Variants in ZNF16 observed in about 807,000 individuals in gnomAD.
ZNF16 encodes zinc finger protein KOX9.
ZNF16 carries 7 observed loss-of-function variants against 9.0 expected under a neutral mutation model. The observed-to-expected ratio is 0.78, with a 90% CI of 0.44 to 1.47. ZNF16 has a LOEUF of 1.47. ZNF16 is among the 40% of genes most tolerant of loss of function. ZNF16 has a pLI of 0.01. For missense variants in ZNF16, 830 were observed against 854.2 expected (o/e 0.97, Z 0.35); for synonymous variants, 312 against 301.5 (o/e 1.03, Z -0.36).
At chr8:144,938,877 A>G (rs1470409339) in intron 2 of ZNF16, among the ~76,000 whole-genome samples, 1 of 151,590 alleles carries the variant, frequency 6.6e-6, no homozygotes, top group Non-Finnish European at 1.5e-5. Context: ...GTTTTCACAA[A>G]TGCCCTTTAT....
At chr8:144,938,187 T>C (rs1376805186) in intron 2 of ZNF16, among the ~76,000 whole-genome samples, 1 of 152,250 alleles carries the variant, frequency 6.6e-6, no homozygotes, top group Non-Finnish European at 1.5e-5. Context: ...GTAGCAAGTT[T>C]TGAAAGTGGA....
chr8:144,934,753 A>G (rs1833640665), intron 2 of ZNF16, among the ~76,000 whole-genome samples: 1 of 152,208 alleles, frequency 6.6e-6, no homozygotes, highest in African/African-American at 2.4e-5. Context: ...GCAACAACAC[A>G]GACAGGAGTC....
rs1190726554 is a variant in ZNF16, at chr8:144,932,579, T to C, written c.208A>G (p.Arg70Gly). 1 of 1,612,524 alleles carries C rather than the reference T, an allele frequency of 6.2e-7. No individual in the cohort carries two copies. Among genetic ancestry groups the C allele is most frequent in the South Asian group, 1.1e-5 (1 of 90,936 alleles). ...TGAAGAAACTCCTTGTCTTCAGTCC[T>C]GGTGTCACAATCTGAAACAATAAAT... is the stretch of plus-strand genomic sequence containing the variant. ...PHYQQPDCDTRTEDKEFLHKE... is the reference protein window; with the variant it reads ...PHYQQPDCDTGTEDKEFLHKE... The change falls in exon 3 of 3, where the codon AGG becomes GGG. Residue 70 changes from arginine to glycine, a missense_variant. By Grantham distance (125) the Arg-to-Gly change is moderately radical. Coordinates refer to ENST00000394909, the MANE Select transcript of ZNF16 (RefSeq NM_006958.3). This position sits in a 1 kb window ranked among gnomAD's most constrained non-coding sequence, Gnocchi z 5.0.
Position 144,950,875 on chromosome 8 carries a change from T to C in ZNF16, c.-88A>G, listed in dbSNP as rs1834101818. 6.6e-6 allele frequency: 1 copy of C among 152,080 alleles called. No homozygotes were observed. Among genetic ancestry groups the C allele is most frequent in the Non-Finnish European group, 1.5e-5 (1 of 68,092 alleles). 9.4% of individuals were successfully genotyped at this position (152,080 alleles called of 1,614,324 possible). On this transcript the variant is annotated 5_prime_UTR_variant, in exon 1 of 3. Coordinates refer to ENST00000394909, the MANE Select transcript of ZNF16 (RefSeq NM_006958.3). ...GCCAACGCCGGCTGACCCCCGGAAG[T>C]CCCGCCCCGAATTCCGGCCCGCCGC...
In ZNF16 at chr8:144,942,263, C is replaced by A. The variant is rs575678830; in HGVS notation, c.196+3748G>T. Among the ~76,000 whole-genome samples, 25 of 151,502 alleles carry A rather than the reference C, an allele frequency of 1.7e-4. No individual in the cohort carries two copies. In the East Asian group the frequency reaches 3.9e-3, roughly 24 times the overall value. ...AAAGTGCTGGGATTACAGGCATGAG[C>A]CACCATGCCTGGCCCATTTTTAAGA... On this transcript the variant is annotated intron_variant, in intron 2 of 2. Coordinates refer to ENST00000394909, the MANE Select transcript of ZNF16 (RefSeq NM_006958.3).
chr8:144,949,830 C>G (rs1352133702), intron 1 of ZNF16, among the ~76,000 whole-genome samples: 1 of 152,148 alleles, frequency 6.6e-6, no homozygotes, highest in Non-Finnish European at 1.5e-5. Flanking sequence ...GAAATATGGC[C>G]TCATGGGATG....
rs1374346923 is a variant in ZNF16, at chr8:144,930,742, T to C, written c.2045A>G (p.Glu682Gly). 1 of 1,525,674 alleles carries C rather than the reference T, an allele frequency of 6.6e-7. No individual in the cohort carries two copies. Among genetic ancestry groups the C allele is most frequent in the East Asian group, 2.3e-5 (1 of 44,202 alleles). 94.5% of individuals were successfully genotyped at this position (1,525,674 alleles called of 1,614,324 possible). Residue 682 changes from glutamate (E) to glycine (G), a missense_variant, in exon 3 of 3, where the codon GAA (glutamate) becomes GGA (glycine). Physicochemically the swap from Glu to Gly is moderately conservative, Grantham distance 98. Coordinates refer to ENST00000394909, the MANE Select transcript of ZNF16 (RefSeq NM_006958.3). ...LIKHQLIHTR[E>G] ...CACTCCTGCCAGCCCAACAGCCTAT[T>C]CCCTGGTGTGAATCAACTGGTGTTT...
At chr8:144,944,892 T>C (rs1313927139) in intron 2 of ZNF16, 1 of 152,212 alleles carries the variant, frequency 6.6e-6, no homozygotes, top group African/African-American at 2.4e-5. Context: ...AGAGATTTTA[T>C]CAAGAGAAAA....
chr8:144,950,837 C>T lies in ZNF16; in HGVS notation c.-50G>A, dbSNP rs1452465837. ...TTGGAAAGGAGGCAGCACCGTGGCA[C>T]GAAGACGTCTCAGCCAACGCCGGCT... On this transcript the variant is annotated 5_prime_UTR_variant, in exon 1 of 3. It adds an upstream start codon to the 5' untranslated region. Transcript: ENST00000394909. 3 of 152,304 alleles carry T rather than the reference C, an allele frequency of 2.0e-5. No homozygotes were observed. Among genetic ancestry groups the T allele is most frequent in the Admixed American group, 6.5e-5 (1 of 15,284 alleles). 9.4% of individuals were successfully genotyped at this position (152,304 alleles called of 1,614,324 possible).
chr8:144,946,941 T>C (rs1833963909), intron 1 of ZNF16, among the ~76,000 whole-genome samples: 1 of 108,434 alleles, frequency 9.2e-6, no homozygotes, highest in Non-Finnish European at 1.7e-5. Flanking sequence ...TCTGTGGGCC[T>C]GTACCCTGCT....
At chr8:144,949,895 G>C (rs1002682689) in intron 1 of ZNF16, among the ~76,000 whole-genome samples, 1 of 152,154 alleles carries the variant, frequency 6.6e-6, no homozygotes, top group Non-Finnish European at 1.5e-5. Flanking sequence ...GTGTTGAGGT[G>C]GATTGGTAAA....
At chr8:144,950,652 C>G (rs1454566944) in intron 1 of ZNF16, 145 bp downstream of exon 1, 1 of 151,678 alleles carries the variant, frequency 6.6e-6, no homozygotes, top group Non-Finnish European at 1.5e-5. Flanking sequence ...TCCCACAACC[C>G]CCCGCGCGGC....
chr8:144,942,976 G>T (rs540608897), intron 2 of ZNF16, among the ~76,000 whole-genome samples: 1 of 152,280 alleles, frequency 6.6e-6, no homozygotes, highest in South Asian at 2.1e-4. Context: ...CCTGTCTAGT[G>T]TTCTTTCATT....
At chr8:144,944,651 A>C (rs1008639669) in intron 2 of ZNF16, 11 of 152,200 alleles carry the variant, frequency 7.2e-5, no homozygotes, top group Non-Finnish European at 7.3e-5. Context: ...TGAATGGGAC[A>C]TATTTTTTTG....
At position 144,931,855 on chromosome 8, in the gene ZNF16, T is replaced by C. The variant is rs745355158; in HGVS notation, c.932A>G (p.His311Arg). 3.1e-6 allele frequency: 5 copies of C among 1,614,120 alleles called. No homozygotes were observed. The highest frequency in any genetic ancestry group is 4.2e-6 in the Non-Finnish European group (5 of 1,180,044). The change falls in exon 3 of 3, where the codon CAC (histidine) becomes CGC (arginine). Residue 311 changes from histidine to arginine, a missense_variant. Physicochemically the swap from His to Arg is conservative, Grantham distance 29. Coordinates refer to ENST00000394909, the MANE Select transcript of ZNF16 (RefSeq NM_006958.3). The stretch of plus-strand genomic sequence containing the variant: ...CTTCTCACTCATGTGAGACTTTTGG[T>C]GCTTTTTAAGGCTCGAGTTCTGGCT... ...AFSQNSSLKK[H>R]QKSHMSEKPY...
At chr8:144,937,428 C>T (rs1330013136) in intron 2 of ZNF16, among the ~76,000 whole-genome samples, 2 of 152,192 alleles carry the variant, frequency 1.3e-5, no homozygotes, top group Non-Finnish European at 2.9e-5. Context: ...GCCACCACAC[C>T]TGGCTTCTTT....
Position 144,932,387 on chromosome 8 carries a change from C to A in ZNF16, c.400G>T (p.Gly134Trp). 1.2e-6 allele frequency: 2 copies of A among 1,614,140 alleles called. No homozygotes were observed. Among genetic ancestry groups the A allele is most frequent in the African/African-American group, 2.7e-5 (2 of 75,056 alleles). ...RRLPQSLSQE[G>W]DFTPAAMGLL... The stretch of plus-strand genomic sequence containing the variant: ...CCCATGGCAGCTGGTGTGAAGTCCC[C>A]CTCCTGGGAGAGGGACTGTGGCAGC... Residue 134 changes from glycine to tryptophan, a missense_variant, in exon 3 of 3, where the codon GGG becomes TGG. Physicochemically the swap from Gly to Trp is radical, Grantham distance 184 (BLOSUM62 -2). Transcript: ENST00000394909. The surrounding 1 kb of genome is among the most constrained non-coding windows in gnomAD (Gnocchi z 5.0).
rs200933303 is a variant in ZNF16, at chr8:144,930,992, T to C, written c.1795A>G (p.Lys599Glu). The C allele has an allele frequency of 2.1e-5, 34 of 1,614,220 alleles. No homozygotes were observed. Among genetic ancestry groups the C allele is most frequent in the Non-Finnish European group, 1.7e-6 (2 of 1,180,032 alleles). The change falls in exon 3 of 3, where the codon AAA becomes GAA. Residue 599 changes from lysine (K) to glutamate (E), a missense_variant. Physicochemically the swap from Lys to Glu is moderately conservative, Grantham distance 56. Coordinates refer to ENST00000394909, the MANE Select transcript of ZNF16 (RefSeq NM_006958.3). Reference protein sequence around the residue: ...IHHQKVHTGEKPYTCVECGKG... With the variant: ...IHHQKVHTGEEPYTCVECGKG... ...CCACATTCAACACAGGTGTAGGGTT[T>C]TTCCCCAGTATGAACTTTCTGGTGG...
chr8:144,931,988 A>G lies in ZNF16; in HGVS notation c.799T>C (p.Cys267Arg), dbSNP rs751932039. Residue 267 changes from cysteine (C) to arginine (R), a missense_variant, in exon 3 of 3, where the codon TGC (cysteine) becomes CGC (arginine). Physicochemically the swap from Cys to Arg is radical, Grantham distance 180 (BLOSUM62 -3). Transcript: ENST00000394909. ...CGGAAGGCTTTCCCACATTCGCTGC[A>G]CTGGTAAGCTTTCTCACTCATATGA... is the stretch of plus-strand genomic sequence containing the variant. ...RSHMSEKAYQ[C>R]SECGKAFRGH... 6.2e-7 allele frequency: 1 copy of G among 1,613,966 alleles called. No individual in the cohort carries two copies. The highest frequency in any genetic ancestry group is 8.5e-7 in the Non-Finnish European group (1 of 1,179,882).
Sources: gnomAD v4.1 joint callset for allele counts (sites outside exome capture counted in the v4.1 genomes callset) on GRCh38, gnomAD v4.1.1 for gene constraint, Gnocchi (gnomAD v3.1) non-coding constraint, MANE v1.5 for transcripts, NCBI Gene and HGNC (gene_info 2026-07-23, HGNC 2026-07-21) for gene names.